SRI: variants seen among roughly 807,000 people sequenced by gnomAD.
SRI encodes the protein 22 kDa protein.
In SRI, 30 loss-of-function variants were observed where a neutral mutation model predicts 33.3. The ratio of observed to expected loss-of-function variants is 0.90; its 90% CI spans 0.67 to 1.22. SRI has a LOEUF of 1.22. Among genes scored for constraint, SRI ranks in the 50% most tolerant of loss-of-function variants. SRI has a pLI of 0.00. For missense variants in SRI, 243 were observed against 250.8 expected (o/e 0.97, Z 0.21); for synonymous variants, 75 against 89.9 (o/e 0.83, Z 0.94).
Position 88,206,475 on chromosome 7 carries a change from G to T in SRI, c.*3C>A. On this transcript the variant is annotated 3_prime_UTR_variant, in exon 8 of 8. Transcript: ENST00000265729. ...GATTACATTCATGCAGCTTCCTCTT[G>T]ATTTAAACACTCATGACACATTGAA... is the stretch of plus-strand genomic sequence containing the variant. The T allele has an allele frequency of 6.2e-7, 1 of 1,613,890 alleles. No homozygotes were observed. The highest frequency in any genetic ancestry group is 8.5e-7 in the Non-Finnish European group (1 of 1,179,856).
At chr7:88,208,477 C>A in intron 7 of SRI, 30 bp downstream of exon 7, 1 of 1,612,682 alleles carries the variant, frequency 6.2e-7, no homozygotes, top group Non-Finnish European at 8.5e-7. Context: ...TCCTTTTCAT[C>A]TACTGTATCT....
rs550548953 is a variant in SRI at position 88,205,541 on chromosome 7, G to C, written c.*937C>G. The C allele has an allele frequency of 6.6e-6, 1 of 152,224 alleles. No individual in the cohort carries two copies. The highest frequency in any genetic ancestry group is 1.9e-4 in the East Asian group (1 of 5,190). 9.4% of individuals were successfully genotyped at this position (152,224 alleles called of 1,614,324 possible). A position where few individuals can be genotyped will look rare whatever the true frequency, so the allele number is the denominator to read the frequency against. ...TTATAAATGTAGTACCTGCTTACTG[G>C]AGAATGTTTGGAAAAGCAGTAAGAA... On this transcript the variant is annotated 3_prime_UTR_variant, in exon 8 of 8. Transcript: ENST00000265729.
At chr7:88,210,328 G>T in intron 4 of SRI, 198 bp from the exon 5 acceptor site, 1 of 632,876 alleles carries the variant, frequency 1.6e-6, no homozygotes, top group Non-Finnish European at 2.7e-6. Context: ...TTTACTGTGG[G>T]GAAAAGATAA....
chr7:88,210,950 C>T, intron 3 of SRI, 25 bp from the exon 4 acceptor site: 2 of 1,600,124 alleles, frequency 1.2e-6, no homozygotes, highest in Non-Finnish European at 1.7e-6. Flanking sequence ...AAAGTACATA[C>T]ATATTAACAC....
chr7:88,220,103 T>C, upstream of SRI: 1 of 1,434,636 alleles, frequency 7.0e-7, no homozygotes, highest in Non-Finnish European at 9.1e-7. Flanking sequence ...GCCCTGCCGC[T>C]AGGGGGCCGC....
chr7:88,211,930 A>G (rs1851587999), intron 3 of SRI, among the ~76,000 whole-genome samples: 1 of 152,214 alleles, frequency 6.6e-6, no homozygotes, highest in Non-Finnish European at 1.5e-5. Flanking sequence ...CTGGTAACCT[A>G]AGCATTAGGA....
chr7:88,210,862 ACAAT>A lies in SRI; in HGVS notation c.249+16_249+19del, dbSNP rs750338288. ...ATTTTAGAAAAAATTATTCTAGACA[ACAAT>A]CAAAGTAAAGGATACATCCAGCATT... On this transcript the variant is annotated intron_variant, in intron 4 of 7. Transcript: ENST00000265729. The A allele has an allele frequency of 3.1e-6, 5 of 1,610,896 alleles. No individual in the cohort carries two copies. Among genetic ancestry groups the A allele is most frequent in the South Asian group, 2.2e-5 (2 of 90,502 alleles).
rs534715149 is a variant in SRI at position 88,226,770 on chromosome 7, GATTA to G, written c.6+135_6+138del. ...GTGGCAAAGCTGAGAAAGGAACCTG[GATTA>G]ATTGATTCTCAGCTTGGAAACCCAT... On this transcript the variant is annotated intron_variant, in intron 1 of 7. Coordinates refer to the SRI transcript ENST00000394641. The G allele has an allele frequency of 3.0e-3, 2,565 of 845,386 alleles. 3 individuals are homozygous for G. Among genetic ancestry groups the G allele is most frequent in the Non-Finnish European group, 3.9e-3 (2,252 of 574,394 alleles). The allele number at this position is 845,386 out of a possible 1,614,324, so 52.4% of individuals were successfully genotyped here. A position where few individuals can be genotyped will look rare whatever the true frequency, so the allele number is the denominator to read the frequency against.
At chr7:88,210,968 A>G (rs1212602339) in intron 3 of SRI, 43 bp from the exon 4 acceptor site, 1 of 1,472,680 alleles carries the variant, frequency 6.8e-7, no homozygotes, top group African/African-American at 1.4e-5. Context: ...CACAAATCCA[A>G]AAATTCACAT....
intron 2 of SRI, among the ~76,000 whole-genome samples, chr7:88,218,430 C>T (rs530468431): frequency 6.6e-6 from 1 of 152,316 alleles, no homozygotes; most frequent in South Asian, 2.1e-4. Context: ...CAGTAACTTC[C>T]TTATTTAGAA....
At chr7:88,219,830 G>C in intron 1 of SRI, 146 bp downstream of exon 1, 1 of 995,216 alleles carries the variant, frequency 1.0e-6, no homozygotes, top group African/African-American at 1.7e-5. Flanking sequence ...CTAGGGCGAG[G>C]CCGCGAGCGC....
intron 3 of SRI, among the ~76,000 whole-genome samples, chr7:88,211,253 G>A (rs1038440033): frequency 6.6e-6 from 1 of 152,172 alleles, no homozygotes; most frequent in African/African-American, 2.4e-5. Context: ...TCAGGAGTTT[G>A]AGACCAGCCT....
intron 3 of SRI, among the ~76,000 whole-genome samples, chr7:88,211,166 A>G (rs915396664): frequency 2.6e-5 from 4 of 152,242 alleles, no homozygotes; most frequent in African/African-American, 9.6e-5. Context: ...AAAAAGTATT[A>G]CATAGTCCGG....
At chr7:88,212,037 C>T (rs956861063) in intron 3 of SRI, among the ~76,000 whole-genome samples, 1 of 152,218 alleles carries the variant, frequency 6.6e-6, no homozygotes, top group Admixed American at 6.5e-5. Flanking sequence ...GCAGAAGTGA[C>T]AAGGGTCACG....
upstream of SRI, among the ~76,000 whole-genome samples, chr7:88,224,195 A>G (rs1243900282): frequency 6.6e-6 from 1 of 152,220 alleles, no homozygotes; most frequent in Admixed American, 6.5e-5. Context: ...TCTCAGAGAG[A>G]ATCCCATTCT....
intron 7 of SRI, among the ~76,000 whole-genome samples, chr7:88,207,036 C>A (rs1203389781): frequency 6.6e-6 from 1 of 152,200 alleles, no homozygotes; most frequent in Non-Finnish European, 1.5e-5. Context: ...ATTAGAAATA[C>A]CAGTATTTGC....
chr7:88,225,159 G>T (rs532481144), intron 1 of SRI, among the ~76,000 whole-genome samples: 4 of 152,294 alleles, frequency 2.6e-5, no homozygotes, highest in African/African-American at 9.6e-5. Context: ...CTACAGAATA[G>T]ATTCTCACTG....
At chr7:88,212,019 G>A (rs1388865573) in intron 3 of SRI, among the ~76,000 whole-genome samples, 7 of 152,220 alleles carry the variant, frequency 4.6e-5, no homozygotes, top group African/African-American at 1.4e-4. Context: ...AAGCTACAAC[G>A]CTAAATGGCA....
intron 3 of SRI, 92 bp downstream of exon 3, chr7:88,217,030 G>T: frequency 1.7e-6 from 2 of 1,157,300 alleles, no homozygotes; most frequent in Non-Finnish European, 2.6e-6. Flanking sequence ...GATCCGACAA[G>T]CTCAGTTTTC....
Sources: gnomAD v4.1 joint callset for allele counts (sites outside exome capture counted in the v4.1 genomes callset) on GRCh38, gnomAD v4.1.1 for gene constraint, MANE v1.5 for transcripts, NCBI Gene and HGNC (gene_info 2026-07-23, HGNC 2026-07-21) for gene names.